Variants in CDYL observed in about 807,000 individuals in gnomAD.
The protein encoded by CDYL is chromodomain Y-like protein.
Under a neutral mutation model 47.3 loss-of-function variants are expected in CDYL, and 8 were observed. That is an observed-to-expected ratio of 0.17 (90% CI 0.10 to 0.31). CDYL has a LOEUF of 0.31. CDYL is among the 10% of genes least tolerant of loss of function. CDYL has a pLI of 1.00. For missense variants in CDYL, 471 were observed against 701.4 expected (o/e 0.67, Z 3.71); for synonymous variants, 266 against 265.0 (o/e 1.00, Z -0.04).
intron 1 of CDYL, among the ~76,000 whole-genome samples, chr6:4,825,186 G>T (rs1051481847): frequency 6.6e-6 from 1 of 152,100 alleles, no homozygotes; most frequent in African/African-American, 2.4e-5. Flanking sequence ...TTGGAATTTT[G>T]ATAGGCCTTG....
chr6:4,932,808 C>T (rs1400823809), intron 2 of CDYL, among the ~76,000 whole-genome samples: 2 of 152,148 alleles, frequency 1.3e-5, no homozygotes, highest in Admixed American at 6.5e-5. Flanking sequence ...TCATTGCTGT[C>T]GGCTGTCACC....
chr6:4,838,307 C>T (rs569884085), intron 1 of CDYL, among the ~76,000 whole-genome samples: 24 of 152,172 alleles, frequency 1.6e-4, no homozygotes, highest in Non-Finnish European at 2.9e-4. Context: ...CCTCACCCCC[C>T]TCCCACCCTT....
intron 6 of CDYL, 28 bp downstream of exon 6, chr6:4,952,437 T>G (rs1300501411): frequency 1.3e-6 from 2 of 1,579,386 alleles, no homozygotes; most frequent in Admixed American, 1.9e-5. Context: ...TGTTACACGT[T>G]ACTTTTTAAA....
At chr6:4,820,271 CTG>C (rs1759797625) in intron 1 of CDYL, among the ~76,000 whole-genome samples, 1 of 152,208 alleles carries the variant, frequency 6.6e-6, no homozygotes, top group African/African-American at 2.4e-5. Context: ...GAATATACCT[CTG>C]TGACTTGAAA....
intron 1 of CDYL, chr6:4,714,770 GGT>G (rs1168375143): frequency 1.3e-5 from 2 of 152,172 alleles, no homozygotes; most frequent in Non-Finnish European, 2.9e-5. Context: ...CTGCCTTCAG[GGT>G]CACACCAACA....
intron 1 of CDYL, among the ~76,000 whole-genome samples, chr6:4,782,911 CT>C (rs1171157502): frequency 6.6e-6 from 1 of 152,156 alleles, no homozygotes; most frequent in African/African-American, 2.4e-5. Context: ...TATTTCTAGT[CT>C]TTAAGTGGCT....
At chr6:4,796,472 C>T (rs989269064) in intron 1 of CDYL, among the ~76,000 whole-genome samples, 1 of 151,994 alleles carries the variant, frequency 6.6e-6, no homozygotes, top group African/African-American at 2.4e-5. Context: ...TTACTATACC[C>T]TTCATTGTTT....
chr6:4,740,001 TGGAAAGGAAATG>T, intron 3 of CDYL, among the ~76,000 whole-genome samples: 1 of 152,080 alleles, frequency 6.6e-6, no homozygotes, highest in African/African-American at 2.4e-5. Context: ...AAATTTCTGA[TGGAAAGGAAATG>T]GGGAAGGAAA....
chr6:4,915,450 C>T (rs1037052217), intron 2 of CDYL, among the ~76,000 whole-genome samples: 1 of 152,122 alleles, frequency 6.6e-6, no homozygotes, highest in African/African-American at 2.4e-5. Flanking sequence ...CAAGGGGACC[C>T]TAAAGAAACC....
Position 4,892,095 on chromosome 6 carries a change from C to T in CDYL, c.407C>T (p.Ala136Val), listed in dbSNP as rs1429990315. The change falls in exon 2 of 7, where the codon GCG becomes GTG. Residue 136 changes from alanine to valine, a missense_variant. Physicochemically the swap from Ala to Val is moderately conservative, Grantham distance 64 (BLOSUM62 0). This residue lies in a region of CDYL where 311 missense variants were observed against 350.0 expected (regional missense o/e 0.89). Transcript: ENST00000397588. ...SLSSRKNMDL[A>V]KSGIKILVPK... ...TCCAGCCGGAAGAACATGGACCTAG[C>T]GAAGTCAGGTATCAAGATCCTCGTG... The T allele has an allele frequency of 6.2e-6, 10 of 1,614,058 alleles. No homozygotes were observed. Among genetic ancestry groups the T allele is most frequent in the Non-Finnish European group, 6.8e-6 (8 of 1,180,042 alleles).
At chr6:4,948,493 G>GTGCC (rs1317957999) in intron 5 of CDYL, among the ~76,000 whole-genome samples, 4 of 151,746 alleles carry the variant, frequency 2.6e-5, no homozygotes, top group African/African-American at 7.3e-5. Context: ...AGATGTACTG[G>GTGCC]TGCCTCTTGA....
At chr6:4,730,893 C>A (rs892841443) in intron 2 of CDYL, among the ~76,000 whole-genome samples, 1 of 152,126 alleles carries the variant, frequency 6.6e-6, no homozygotes, top group Non-Finnish European at 1.5e-5. Flanking sequence ...GCCTTGCTCT[C>A]CCTCTTAGTT....
chr6:4,713,559 CAG>C (rs143393356), intron 1 of CDYL, among the ~76,000 whole-genome samples: 2,056 of 151,344 alleles, frequency 0.014, 54 homozygotes, highest in African/African-American at 0.047. Flanking sequence ...AAACTGAATA[CAG>C]AGTCTTAAAA....
At chr6:4,827,608 C>T (rs1760015536) in intron 1 of CDYL, among the ~76,000 whole-genome samples, 1 of 152,184 alleles carries the variant, frequency 6.6e-6, no homozygotes, top group African/African-American at 2.4e-5. Flanking sequence ...ATATTTTATG[C>T]ATTGTGTGCT....
chr6:4,877,897 G>A (rs1412910983), intron 1 of CDYL, among the ~76,000 whole-genome samples: 1 of 152,098 alleles, frequency 6.6e-6, no homozygotes, highest in African/African-American at 2.4e-5. Flanking sequence ...GGAATGTGTT[G>A]TATCTATAGA....
chr6:4,906,485 G>A (rs991453062), intron 2 of CDYL, among the ~76,000 whole-genome samples: 14 of 152,312 alleles, frequency 9.2e-5, no homozygotes, highest in African/African-American at 2.6e-4. Flanking sequence ...CAGTACAAGC[G>A]TGAAGGCCAC....
At chr6:4,735,473 A>G (rs1757686278) in intron 3 of CDYL, among the ~76,000 whole-genome samples, 1 of 151,934 alleles carries the variant, frequency 6.6e-6, no homozygotes, top group Non-Finnish European at 1.5e-5. Flanking sequence ...AAAAAGCTGT[A>G]CCTATTCAGG....
intron 2 of CDYL, among the ~76,000 whole-genome samples, chr6:4,913,212 C>T (rs1757461667): frequency 6.6e-6 from 1 of 152,126 alleles, no homozygotes; most frequent in African/African-American, 2.4e-5. Context: ...AGCCAAGGAA[C>T]GAAAATCTCT....
chr6:4,892,219 G>A lies in CDYL; in HGVS notation c.531G>A (p.Val177=). 9 of 1,614,232 alleles carry A rather than the reference G, an allele frequency of 5.6e-6. No individual in the cohort carries two copies. The highest frequency in any genetic ancestry group is 7.6e-6 in the Non-Finnish European group (9 of 1,180,042). The change falls in exon 2 of 7, where the codon GTG becomes GTA. Residue 177 remains valine (V), a synonymous_variant. Transcript: ENST00000397588. The stretch of plus-strand genomic sequence containing the variant: ...TCGAGCAGGGTCAGGAGGACACAGT[G>A]GCACCCGAAGTGGCAGCGGAAAAGC... The part of the protein sequence containing the change: ...DPVEQGQEDT[V]APEVAAEKPV...
Sources: allele counts gnomAD v4.1 joint callset (sites outside exome capture counted in the v4.1 genomes callset), GRCh38; gene constraint gnomAD v4.1.1; regional missense constraint gnomAD v4.1.1; transcripts MANE v1.5; gene names NCBI Gene and HGNC (gene_info 2026-07-23, HGNC 2026-07-21).